SNTG2: variants seen among roughly 807,000 people sequenced by gnomAD.
SNTG2 encodes the protein gamma-2-syntrophin.
Under a neutral mutation model 70.9 loss-of-function variants are expected in SNTG2, and 74 were observed. The observed-to-expected ratio is 1.04, with a 90% CI of 0.86 to 1.27. The LOEUF is 1.27. Ranked by LOEUF, SNTG2 falls within the 50% of genes most tolerant of loss-of-function variation. The probability of loss-of-function intolerance (pLI) is 0.00; values close to 1 mark genes in which losing one functional copy is unlikely to be tolerated. For synonymous variants in SNTG2, 278 were observed against 273.8 expected, an observed-to-expected ratio of 1.02 and a Z score of -0.15; for missense variants, 717 against 690.7, an observed-to-expected ratio of 1.04 and a Z score of -0.43.
intron 1 of SNTG2, among the ~76,000 whole-genome samples, chr2:1,021,140 C>A (rs767889703): frequency 5.3e-5 from 8 of 152,126 alleles, no homozygotes; most frequent in Non-Finnish European, 1.2e-4. Flanking sequence ...GCAATCAAGC[C>A]ATGTTTGTCT....
At chr2:1,193,265 T>G (rs918130305) in intron 8 of SNTG2, among the ~76,000 whole-genome samples, 5 of 152,158 alleles carry the variant, frequency 3.3e-5, no homozygotes, top group Non-Finnish European at 7.3e-5. Context: ...TCCCAGAACC[T>G]CCTGAGTTTT....
chr2:996,841 C>G (rs934886469), intron 1 of SNTG2, among the ~76,000 whole-genome samples: 1 of 151,936 alleles, frequency 6.6e-6, no homozygotes, highest in Non-Finnish European at 1.5e-5. Context: ...TGAAAACTGT[C>G]TGATTCCTTC....
chr2:1,232,369 G>A (rs1030084168), intron 9 of SNTG2, among the ~76,000 whole-genome samples: 9 of 151,822 alleles, frequency 5.9e-5, no homozygotes, highest in Admixed American at 6.6e-5. Flanking sequence ...ATATGATCTC[G>A]GCTCACTGCA....
chr2:1,029,966 G>A (rs551572901), intron 1 of SNTG2, among the ~76,000 whole-genome samples: 1 of 152,052 alleles, frequency 6.6e-6, no homozygotes, highest in Non-Finnish European at 1.5e-5. Context: ...TTACACTCTC[G>A]CTAAATAGAA....
intron 1 of SNTG2, among the ~76,000 whole-genome samples, chr2:977,843 C>G (rs1346438037): frequency 6.6e-6 from 1 of 152,158 alleles, no homozygotes; most frequent in Non-Finnish European, 1.5e-5. Context: ...ATGGCAGAGC[C>G]TTCCCGCCTC....
In SNTG2 at chr2:1,221,887, GT is replaced by G. The variant is rs1674997806; in HGVS notation, c.719+12658del. ...TCTGTCTCTCTCTCTCTCTGTCTCT[GT>G]CTGTGTCTCTCTCTGTCTCTGTCTC... is the stretch of plus-strand genomic sequence containing the variant. On this transcript the variant is annotated intron_variant, in intron 9 of 16. Transcript: ENST00000308624. 4.8e-4 allele frequency among the ~76,000 whole-genome samples: 3 copies of G among 6,230 alleles called. 1 individual carries two copies. Among genetic ancestry groups the G allele is most frequent in the African/African-American group, 1.0e-3 (1 of 962 alleles). The allele number at this position is 6,230 out of a possible 152,430, so 4.1% of individuals were successfully genotyped here. A position where few individuals can be genotyped will look rare whatever the true frequency, so the allele number is the denominator to read the frequency against.
intron 12 of SNTG2, among the ~76,000 whole-genome samples, chr2:1,255,446 C>T (rs1677998549): frequency 6.6e-6 from 1 of 152,126 alleles, no homozygotes; most frequent in Non-Finnish European, 1.5e-5. Context: ...TGGTGCGGAC[C>T]TGAGACTTGA....
chr2:1,304,093 T>C (rs1053224203), intron 14 of SNTG2, among the ~76,000 whole-genome samples: 1 of 152,210 alleles, frequency 6.6e-6, no homozygotes, highest in African/African-American at 2.4e-5. Flanking sequence ...CACAAGTTTT[T>C]GAAGCAAGCA....
At chr2:1,016,732 G>A (rs2148002966) in intron 1 of SNTG2, among the ~76,000 whole-genome samples, 1 of 152,350 alleles carries the variant, frequency 6.6e-6, no homozygotes, top group South Asian at 2.1e-4. Flanking sequence ...CTGGCTCTGA[G>A]ACATTTGACT....
intron 1 of SNTG2, among the ~76,000 whole-genome samples, chr2:1,039,566 C>G (rs941536594): frequency 1.3e-5 from 2 of 152,066 alleles, no homozygotes; most frequent in South Asian, 2.1e-4. Flanking sequence ...TCCTTGTTTT[C>G]TTTGAGGGCC....
intron 11 of SNTG2, among the ~76,000 whole-genome samples, chr2:1,243,800 G>T (rs1283658065): frequency 2.0e-5 from 3 of 152,228 alleles, no homozygotes; most frequent in African/African-American, 7.2e-5. Context: ...AGCCGAGGTG[G>T]GCAGATCAGG....
At chr2:1,113,928 G>A (rs1666720247) in intron 4 of SNTG2, among the ~76,000 whole-genome samples, 1 of 151,488 alleles carries the variant, frequency 6.6e-6, no homozygotes, top group African/African-American at 2.4e-5. Context: ...ACAGTCCTTT[G>A]AGGAGGATCG....
intron 8 of SNTG2, among the ~76,000 whole-genome samples, chr2:1,177,372 G>A (rs2147896511): frequency 6.6e-6 from 1 of 152,136 alleles, no homozygotes; most frequent in South Asian, 2.1e-4. Context: ...ATAGCTAATG[G>A]ATGCTGGGCT....
chr2:1,173,226 A>G, intron 8 of SNTG2, 43 bp downstream of exon 8: 2 of 1,519,580 alleles, frequency 1.3e-6, no homozygotes, highest in South Asian at 1.1e-5. Flanking sequence ...TAACAGAAAT[A>G]TCAGTAGCCC....
intron 1 of SNTG2, among the ~76,000 whole-genome samples, chr2:1,058,865 C>T (rs1193444520): frequency 6.6e-6 from 1 of 152,232 alleles, no homozygotes; most frequent in East Asian, 1.9e-4. Flanking sequence ...GTGCCAGAGC[C>T]CTCCTTGAAG....
intron 1 of SNTG2, among the ~76,000 whole-genome samples, chr2:1,025,599 G>C (rs547635273): frequency 6.6e-6 from 1 of 152,090 alleles, no homozygotes. Context: ...CTGCCTGTGC[G>C]CCTTGGCTCC....
intron 1 of SNTG2, among the ~76,000 whole-genome samples, chr2:1,049,003 AT>A (rs1401102912): frequency 6.6e-6 from 1 of 152,050 alleles, no homozygotes; most frequent in Non-Finnish European, 1.5e-5. Flanking sequence ...AATAGGCTTT[AT>A]TTTTTATAGA....
At chr2:974,077 G>T (rs765097542) in intron 1 of SNTG2, among the ~76,000 whole-genome samples, 55 of 152,190 alleles carry the variant, frequency 3.6e-4, no homozygotes, top group East Asian at 1.2e-3. Flanking sequence ...GTTATTTTTG[G>T]TTTTTTTAGC....
Position 1,353,743 on chromosome 2 carries a change from G to A in SNTG2, c.1489-13600G>A, listed in dbSNP as rs567449515. 1.3e-5 allele frequency: 2 copies of A among 152,250 alleles called. No homozygotes were observed. Among genetic ancestry groups the A allele is most frequent in the South Asian group, 4.1e-4 (2 of 4,822 alleles). 9.4% of individuals were successfully genotyped at this position (152,250 alleles called of 1,614,324 possible). ...ACCCAGGATGGCTGCTCATCGGAGG[G>A]GCCAGTCATCTCACAGACACTTTGT... On this transcript the variant is annotated intron_variant, in intron 16 of 16. Coordinates refer to ENST00000308624, the MANE Select transcript of SNTG2 (RefSeq NM_018968.4). The surrounding 1 kb of genome is among the most constrained non-coding windows in gnomAD (Gnocchi z 4.2).
Sources: allele counts gnomAD v4.1 joint callset (sites outside exome capture counted in the v4.1 genomes callset), GRCh38; gene constraint gnomAD v4.1.1; non-coding constraint Gnocchi (gnomAD v3.1); transcripts MANE v1.5; gene names NCBI Gene and HGNC (gene_info 2026-07-23, HGNC 2026-07-21).